Variants in HIP1 observed in about 807,000 individuals in gnomAD.
HIP1 encodes the protein huntingtin interacting protein 1, also known as huntingtin-interacting protein 1.
In HIP1, 65 loss-of-function variants were observed where a neutral mutation model predicts 147.6. The ratio of observed to expected loss-of-function variants is 0.44; its 90% CI spans 0.36 to 0.54. The LOEUF (loss-of-function observed/expected upper bound fraction) is 0.54. Among genes scored for constraint, HIP1 ranks in the 20% least tolerant of loss-of-function variants. The probability of loss-of-function intolerance (pLI) is 0.00; values close to 1 mark genes in which losing one functional copy is unlikely to be tolerated. For missense variants in HIP1, 1,061 were observed against 1,299.6 expected (o/e 0.82, Z 2.82); for synonymous variants, 479 against 504.0 (o/e 0.95, Z 0.67).
chr7:75,735,577 G>A (rs3928368), intron 1 of HIP1, among the ~76,000 whole-genome samples: 4,792 of 151,800 alleles, frequency 0.032, 303 homozygotes, highest in Admixed American at 0.15. Context: ...TGCTTACCAA[G>A]CTCTGCAACC....
intron 1 of HIP1, chr7:75,626,917 A>T (rs1798063643): frequency 6.6e-6 from 1 of 152,156 alleles, no homozygotes; most frequent in Non-Finnish European, 1.5e-5. Context: ...ACACACAGAA[A>T]AGTCTGTAAG....
At chr7:75,642,857 A>G (rs1323770780) in intron 1 of HIP1, among the ~76,000 whole-genome samples, 2 of 152,136 alleles carry the variant, frequency 1.3e-5, no homozygotes, top group African/African-American at 2.4e-5. Context: ...GCCCAGGACT[A>G]CCTGGCTCAC....
At chr7:75,662,308 C>G (rs113590558) in intron 1 of HIP1, among the ~76,000 whole-genome samples, 10,476 of 151,890 alleles carry the variant, frequency 0.069, 549 homozygotes, top group Admixed American at 0.18. Context: ...CCCAGCCTCC[C>G]GAGTAGCTGG....
chr7:75,559,703 G>GGGC, intron 14 of HIP1, 29 bp downstream of exon 14: 1 of 1,195,144 alleles, frequency 8.4e-7, no homozygotes, highest in East Asian at 2.6e-5. Flanking sequence ...TGCCCCCGGG[G>GGGC]CCCGCCCCCG....
intron 21 of HIP1, 127 bp from the exon 22 acceptor site, chr7:75,553,716 C>T: frequency 1.2e-6 from 1 of 828,044 alleles, no homozygotes; most frequent in Admixed American, 2.7e-5. Context: ...AGCGATTCTC[C>T]TGCCTCGGCC....
chr7:75,549,261 C>T (rs780150990), intron 22 of HIP1, among the ~76,000 whole-genome samples: 11 of 152,132 alleles, frequency 7.2e-5, no homozygotes, highest in East Asian at 1.9e-4. Flanking sequence ...AAGGCCATTC[C>T]GCCACCACTA....
At chr7:75,599,110 C>T in intron 2 of HIP1, 74 bp downstream of exon 2, 2 of 1,141,640 alleles carry the variant, frequency 1.8e-6, no homozygotes, top group Non-Finnish European at 2.7e-6. Context: ...AGCAAGGCAG[C>T]CTGGCCCTGA....
At chr7:75,556,897 C>T in intron 16 of HIP1, 86 bp from the exon 17 acceptor site, 1 of 842,694 alleles carries the variant, frequency 1.2e-6, no homozygotes, top group Non-Finnish European at 2.0e-6. Flanking sequence ...AAGCGATCAA[C>T]AAGAGATCTG....
intron 1 of HIP1, among the ~76,000 whole-genome samples, chr7:75,715,454 CACACAGAG>C (rs1801285930): frequency 7.6e-6 from 1 of 132,064 alleles, no homozygotes; most frequent in East Asian, 2.2e-4. Flanking sequence ...GAGAGAGACA[CACACAGAG>C]AGAGAGAGAG....
chr7:75,659,320 T>G (rs550729415), intron 1 of HIP1, among the ~76,000 whole-genome samples: 63 of 152,298 alleles, frequency 4.1e-4, no homozygotes, highest in African/African-American at 1.4e-3. Context: ...ACATGCATCC[T>G]TATCTTTAAT....
At chr7:75,646,756 G>A (rs1381995355) in intron 1 of HIP1, among the ~76,000 whole-genome samples, 1 of 152,212 alleles carries the variant, frequency 6.6e-6, no homozygotes, top group Non-Finnish European at 1.5e-5. Flanking sequence ...CTGCCCCATG[G>A]CACTCTCTGG....
intron 1 of HIP1, among the ~76,000 whole-genome samples, chr7:75,726,897 G>A (rs1398331625): frequency 2.0e-5 from 3 of 151,730 alleles, no homozygotes; most frequent in Admixed American, 1.3e-4. Flanking sequence ...GGCTGGTCTC[G>A]AACTCCTGAC....
At chr7:75,636,415 A>G (rs138126842) in intron 1 of HIP1, among the ~76,000 whole-genome samples, 91 of 152,254 alleles carry the variant, frequency 6.0e-4, no homozygotes, top group Middle Eastern at 6.8e-3. Flanking sequence ...CACTCTGCGT[A>G]AGCAGGAGAA....
At chr7:75,674,513 G>T (rs1226947938) in intron 1 of HIP1, among the ~76,000 whole-genome samples, 2 of 45,796 alleles carry the variant, frequency 4.4e-5, no homozygotes, top group African/African-American at 2.1e-4. Flanking sequence ...TTTTTTTTGA[G>T]ACAGAGTCTC....
chr7:75,616,097 A>AAAAAAAAAAG (rs1797648639), intron 1 of HIP1, among the ~76,000 whole-genome samples: 1 of 149,986 alleles, frequency 6.7e-6, no homozygotes, highest in Non-Finnish European at 1.5e-5. Flanking sequence ...AAAAAAAAAA[A>AAAAAAAAAAG]AAAAAAAAAG....
intron 1 of HIP1, among the ~76,000 whole-genome samples, chr7:75,728,858 A>G (rs1801736505): frequency 6.7e-6 from 1 of 149,150 alleles, no homozygotes; most frequent in Non-Finnish European, 1.5e-5. Context: ...GTGCCATATC[A>G]GGCAGGGTCT....
chr7:75,593,226 C>T (rs782127796), intron 2 of HIP1, among the ~76,000 whole-genome samples: 10 of 152,160 alleles, frequency 6.6e-5, no homozygotes, highest in Non-Finnish European at 1.3e-4. Flanking sequence ...CTCTTGGCCT[C>T]GCAAAGTGCT....
chr7:75,684,225 T>TAA (rs1554517294), intron 1 of HIP1, among the ~76,000 whole-genome samples: 2 of 151,990 alleles, frequency 1.3e-5, no homozygotes, highest in Non-Finnish European at 2.9e-5. Flanking sequence ...GGTAGGTGGA[T>TAA]CGCCGGAGCT....
intron 8 of HIP1, among the ~76,000 whole-genome samples, chr7:75,569,948 T>TC (rs1554496260): frequency 6.6e-6 from 1 of 151,956 alleles, no homozygotes; most frequent in African/African-American, 2.4e-5. Context: ...ACTTTTTTTT[T>TC]TTTTTGAGAC....
Sources: allele counts gnomAD v4.1 joint callset (sites outside exome capture counted in the v4.1 genomes callset), GRCh38; gene constraint gnomAD v4.1.1; transcripts MANE v1.5; gene names NCBI Gene and HGNC (gene_info 2026-07-23, HGNC 2026-07-21).